Variants in CHCHD6 observed in about 807,000 individuals in gnomAD.
CHCHD6 encodes MICOS complex subunit MIC25.
In CHCHD6, 28 loss-of-function variants were observed where a neutral mutation model predicts 32.3. That is an observed-to-expected ratio of 0.87 (90% CI 0.64 to 1.19). The LOEUF is 1.19. Ranked by LOEUF, CHCHD6 falls within the 50% of genes most tolerant of loss-of-function variation. The pLI is 0.00. For synonymous variants in CHCHD6, 122 were observed against 117.5 expected, an observed-to-expected ratio of 1.04 and a Z score of -0.25; for missense variants, 333 against 307.0, an observed-to-expected ratio of 1.08 and a Z score of -0.63.
chr3:126,889,218 C>T (rs1409831460), intron 5 of CHCHD6, among the ~76,000 whole-genome samples: 1 of 152,098 alleles, frequency 6.6e-6, no homozygotes, highest in Admixed American at 6.5e-5. Context: ...GAGAAGGGCC[C>T]AGGGCAGGGC....
At chr3:126,759,973 G>A (rs1255896195) in intron 4 of CHCHD6, among the ~76,000 whole-genome samples, 3 of 152,152 alleles carry the variant, frequency 2.0e-5, no homozygotes, top group East Asian at 1.9e-4. Flanking sequence ...GGGAATAGGC[G>A]TCTCACATGG....
chr3:126,814,612 C>T (rs997564858), intron 4 of CHCHD6, among the ~76,000 whole-genome samples: 6 of 152,164 alleles, frequency 3.9e-5, no homozygotes, highest in Non-Finnish European at 8.8e-5. Flanking sequence ...TCCAGATAAC[C>T]GAACACTTAG....
chr3:126,916,356 G>A (rs1235215965), intron 6 of CHCHD6, among the ~76,000 whole-genome samples: 8 of 151,080 alleles, frequency 5.3e-5, no homozygotes, highest in South Asian at 2.1e-4. Flanking sequence ...AGCTGAGATC[G>A]TGCCACTGCA....
At chr3:126,836,374 A>G (rs1940862564) in intron 4 of CHCHD6, among the ~76,000 whole-genome samples, 2 of 152,290 alleles carry the variant, frequency 1.3e-5, no homozygotes, top group South Asian at 4.1e-4. Context: ...TGCAGCTCTC[A>G]GCTCAAATGT....
chr3:126,862,078 A>G (rs1403866625), intron 5 of CHCHD6, among the ~76,000 whole-genome samples: 1 of 39,998 alleles, frequency 2.5e-5, no homozygotes, highest in Non-Finnish European at 4.5e-5. Context: ...CACCATCACC[A>G]CCTCCTCCTC....
chr3:126,930,713 G>C (rs1421883769), intron 6 of CHCHD6, among the ~76,000 whole-genome samples: 2 of 152,200 alleles, frequency 1.3e-5, no homozygotes, highest in African/African-American at 4.8e-5. Flanking sequence ...TTGTTCACAG[G>C]ATGGTTGTGA....
At chr3:126,900,607 T>TC (rs2077910156) in intron 5 of CHCHD6, among the ~76,000 whole-genome samples, 1 of 147,496 alleles carries the variant, frequency 6.8e-6, no homozygotes, top group African/African-American at 2.5e-5. Context: ...ACACACTTTT[T>TC]TTTTTTTTTT....
chr3:126,823,863 T>C (rs1483033278), intron 4 of CHCHD6, among the ~76,000 whole-genome samples: 1 of 150,358 alleles, frequency 6.7e-6, no homozygotes, highest in Non-Finnish European at 1.5e-5. Flanking sequence ...TTGGGCAACA[T>C]AGCAACACCC....
Position 126,960,205 on chromosome 3 carries a change from G to A in CHCHD6, c.*4G>A, listed in dbSNP as rs2078841695. On this transcript the variant is annotated 3_prime_UTR_variant, in exon 8 of 8. Transcript: ENST00000290913. ...CCTGTTCTCTTTGTAGGGCTGAGGAGCAGACATCATTCCCTGCCCTGGCAG... is the reference window on the plus strand; with the variant it reads ...CCTGTTCTCTTTGTAGGGCTGAGGAACAGACATCATTCCCTGCCCTGGCAG... The A allele has an allele frequency of 6.4e-7, 1 of 1,551,480 alleles. No individual in the cohort carries two copies. Among genetic ancestry groups the A allele is most frequent in the African/African-American group, 1.4e-5 (1 of 73,154 alleles).
chr3:126,759,274 G>A (rs1937079084), intron 4 of CHCHD6, among the ~76,000 whole-genome samples: 1 of 152,188 alleles, frequency 6.6e-6, no homozygotes, highest in Non-Finnish European at 1.5e-5. Flanking sequence ...AGAGTTACTT[G>A]GAGATATTGT....
At chr3:126,952,971 C>T (rs1201960477) in intron 6 of CHCHD6, 4 of 985,290 alleles carry the variant, frequency 4.1e-6, no homozygotes, top group Non-Finnish European at 3.6e-6. Flanking sequence ...CATCAGGAGG[C>T]TGGATGTGGG....
intron 5 of CHCHD6, among the ~76,000 whole-genome samples, chr3:126,900,534 A>G (rs886519923): frequency 2.0e-5 from 3 of 151,696 alleles, no homozygotes; most frequent in Non-Finnish European, 4.4e-5. Flanking sequence ...CAGAAGGCGA[A>G]TGGGGAGCAG....
At chr3:126,856,649 G>A (rs1450628636) in intron 5 of CHCHD6, among the ~76,000 whole-genome samples, 1 of 152,178 alleles carries the variant, frequency 6.6e-6, no homozygotes, top group Non-Finnish European at 1.5e-5. Context: ...GGGGCTAAGG[G>A]GACTTGTGCC....
chr3:126,726,812 T>TG (rs1559806851), intron 1 of CHCHD6, among the ~76,000 whole-genome samples: 1 of 152,044 alleles, frequency 6.6e-6, no homozygotes, highest in Admixed American at 6.6e-5. Flanking sequence ...CCCTGAGGAC[T>TG]GGGTGTGTGG....
chr3:126,902,715 T>TA (rs1393752241), intron 5 of CHCHD6, among the ~76,000 whole-genome samples: 2 of 108,182 alleles, frequency 1.8e-5, no homozygotes, highest in African/African-American at 7.6e-5. Context: ...AGACTCCATC[T>TA]CAAAAAAAAA....
At chr3:126,934,295 T>TCC (rs2078446431) in intron 6 of CHCHD6, among the ~76,000 whole-genome samples, 4 of 152,198 alleles carry the variant, frequency 2.6e-5, no homozygotes, top group Non-Finnish European at 5.9e-5. Context: ...TTTTCTATGA[T>TCC]AACAGTTGTC....
At chr3:126,889,519 C>T (rs144131425) in intron 5 of CHCHD6, among the ~76,000 whole-genome samples, 19 of 152,304 alleles carry the variant, frequency 1.2e-4, no homozygotes, top group African/African-American at 4.6e-4. Context: ...TGCAGCTCCA[C>T]CCAGCTCCTG....
At chr3:126,716,613 T>G (rs950069095) in intron 1 of CHCHD6, among the ~76,000 whole-genome samples, 2 of 152,114 alleles carry the variant, frequency 1.3e-5, no homozygotes, top group Admixed American at 1.3e-4. Context: ...TTAATTCATG[T>G]GGTTCACAAA....
At chr3:126,945,672 T>C (rs114793816) in intron 6 of CHCHD6, among the ~76,000 whole-genome samples, 1,529 of 94,230 alleles carry the variant, frequency 0.016, 46 homozygotes, top group African/African-American at 0.061. Flanking sequence ...GCGGGGAGAC[T>C]TGGGAGATTC....
Sources: allele counts gnomAD v4.1 joint callset (sites outside exome capture counted in the v4.1 genomes callset), GRCh38; gene constraint gnomAD v4.1.1; transcripts MANE v1.5; gene names NCBI Gene and HGNC (gene_info 2026-07-23, HGNC 2026-07-21).